LHX1: variants seen among roughly 807,000 people sequenced by gnomAD.
LHX1 encodes the protein LIM/homeobox protein Lhx1.
Under a neutral mutation model 34.1 loss-of-function variants are expected in LHX1, and 9 were observed. The observed-to-expected ratio is 0.26, with a 90% CI of 0.16 to 0.46. The LOEUF (loss-of-function observed/expected upper bound fraction) is 0.46. LHX1 is among the 20% of genes least tolerant of loss of function. LHX1 has a pLI of 1.00. For synonymous variants in LHX1, 254 were observed against 241.5 expected, an observed-to-expected ratio of 1.05 and a Z score of -0.48; for missense variants, 446 against 559.1, an observed-to-expected ratio of 0.80 and a Z score of 2.04.
chr17:36,940,666 G>C lies in LHX1; in HGVS notation c.454G>C (p.Asp152His), dbSNP rs765443227. The part of the protein sequence containing the change: ...SPDSQDPSQD[D>H]AKDSESANVS... ...GGATTCCCAAGACCCGTCGCAGGAC[G>C]ACGCCAAGGACTCGGAGAGCGCCAA... Residue 152 changes from aspartate (D) to histidine (H), a missense_variant, in exon 3 of 5, where the codon GAC (aspartate) becomes CAC (histidine). Physicochemically the swap from Asp to His is moderately conservative, Grantham distance 81. Transcript: ENST00000614239. 4 of 1,613,868 alleles carry C rather than the reference G, an allele frequency of 2.5e-6. No individual in the cohort carries two copies. The highest frequency in any genetic ancestry group is 3.4e-6 in the Non-Finnish European group (4 of 1,180,038).
Position 36,938,116 on chromosome 17 carries a change from G to T in LHX1, c.-82G>T. 2 of 1,384,950 alleles carry T rather than the reference G, an allele frequency of 1.4e-6. No individual in the cohort carries two copies. The highest frequency in any genetic ancestry group is 1.0e-6 in the Non-Finnish European group (1 of 976,668). The allele number at this position is 1,384,950 out of a possible 1,614,324, so 85.8% of individuals were successfully genotyped here. On this transcript the variant is annotated 5_prime_UTR_variant, in exon 1 of 5. Coordinates refer to ENST00000614239, the MANE Select transcript of LHX1 (RefSeq NM_005568.5). ...TTTTTGGAGAGACTGGGGAGCTCGT[G>T]CCGATTGTCTTCAGGAGTCATCCCC...
Position 36,943,997 on chromosome 17 carries a change from G to A in LHX1, c.*866G>A, listed in dbSNP as rs1252471432. On this transcript the variant is annotated 3_prime_UTR_variant, in exon 5 of 5. Transcript: ENST00000614239. The stretch of plus-strand genomic sequence containing the variant: ...CTGTTTACGTATAATGTTAAATTCA[G>A]GAGTTCAGTGTTTTACTAATATATC... The A allele has an allele frequency of 6.6e-6, 1 of 151,196 alleles. No homozygotes were observed. The highest frequency in any genetic ancestry group is 1.5e-5 in the Non-Finnish European group (1 of 67,932). The allele number at this position is 151,196 out of a possible 1,614,324, so 9.4% of individuals were successfully genotyped here. A position where few individuals can be genotyped will look rare whatever the true frequency, so the allele number is the denominator to read the frequency against.
Position 36,943,337 on chromosome 17 carries a change from A to C in LHX1, c.*206A>C, listed in dbSNP as rs1038045590. ...CTCGAGGTGGGACTGGGATCCGCGC[A>C]CTGGCTGTCGACGTGCAGAACTGGG... On this transcript the variant is annotated 3_prime_UTR_variant, in exon 5 of 5. Coordinates refer to ENST00000614239, the MANE Select transcript of LHX1 (RefSeq NM_005568.5). The C allele has an allele frequency of 4.9e-5, 29 of 591,298 alleles. No individual in the cohort carries two copies. Among genetic ancestry groups the C allele is most frequent in the Non-Finnish European group, 8.3e-5 (29 of 351,306 alleles). 36.6% of individuals were successfully genotyped at this position (591,298 alleles called of 1,614,324 possible). A position where few individuals can be genotyped will look rare whatever the true frequency, so the allele number is the denominator to read the frequency against.
chr17:36,943,197 G>GAAA lies in LHX1; in HGVS notation c.*75_*77dup, dbSNP rs35033250. ...AATGAACCTTTATTTAAGAAAAATA[G>GAAA]AAAAAAAAAAACATAAAAAGCAAGT... On this transcript the variant is annotated 3_prime_UTR_variant, in exon 5 of 5. Transcript: ENST00000614239. The GAAA allele has an allele frequency of 0.14, 166,472 of 1,154,114 alleles. 119 individuals are homozygous for GAAA. Among genetic ancestry groups the GAAA allele is most frequent in the Non-Finnish European group, 0.16 (135,998 of 848,818 alleles). The allele number at this position is 1,154,114 out of a possible 1,614,324, so 71.5% of individuals were successfully genotyped here. A position where few individuals can be genotyped will look rare whatever the true frequency, so the allele number is the denominator to read the frequency against.
rs1172250126 is a variant in LHX1 at position 36,937,744 on chromosome 17, C to A, written c.-454C>A. ...TGCACTTTGACTTCTGACAGCTCTA[C>A]CTCAAGCCCCGGAGAACTCAGCGGC... is the stretch of plus-strand genomic sequence containing the variant. On this transcript the variant is annotated 5_prime_UTR_variant, in exon 1 of 5. Transcript: ENST00000614239. The A allele has an allele frequency of 2.2e-6, 1 of 463,290 alleles. No individual in the cohort carries two copies. The highest frequency in any genetic ancestry group is 6.8e-5 in the East Asian group (1 of 14,746). The allele number at this position is 463,290 out of a possible 1,614,324, so 28.7% of individuals were successfully genotyped here. A position where few individuals can be genotyped will look rare whatever the true frequency, so the allele number is the denominator to read the frequency against.
intron 1 of LHX1, among the ~76,000 whole-genome samples, chr17:36,939,437 C>T (rs1458524220): frequency 2.0e-5 from 3 of 152,244 alleles, no homozygotes; most frequent in Non-Finnish European, 2.9e-5. Context: ...CCCAGTGCCG[C>T]TCCAGGACTC....
chr17:36,942,700 G>A, intron 4 of LHX1, 52 bp from the exon 5 acceptor site: 1 of 1,437,896 alleles, frequency 7.0e-7, no homozygotes, highest in Non-Finnish European at 9.1e-7. Context: ...TTTCGGTCCC[G>A]CCGGCCCCCG....
rs373971760 is a variant in LHX1 at position 36,940,900 on chromosome 17, C to G, written c.675+13C>G. ...GCGCGTCATTCAGGTCAGGCCCCGG[C>G]GCGCCTCTCCATCCCACAGAGGCCC... On this transcript the variant is annotated intron_variant, in intron 3 of 4. Coordinates refer to ENST00000614239, the MANE Select transcript of LHX1 (RefSeq NM_005568.5). 1 of 1,570,420 alleles carries G rather than the reference C, an allele frequency of 6.4e-7. No individual in the cohort carries two copies. The highest frequency in any genetic ancestry group is 1.1e-5 in the South Asian group (1 of 87,212).
At position 36,940,740 on chromosome 17, in the gene LHX1, G is replaced by A; in HGVS notation, c.528G>A (p.Leu176=). The part of the protein sequence containing the change: ...AGSNENDDQN[L]GAKRRGPRTT... Reference sequence around the variant, plus strand: ...GCAACGAGAATGACGACCAGAACCTGGGCGCCAAGCGGCGGGGACCGCGCA... The same window carrying A: ...GCAACGAGAATGACGACCAGAACCTAGGCGCCAAGCGGCGGGGACCGCGCA... The change falls in exon 3 of 5, where the codon CTG becomes CTA. Residue 176 remains leucine, a synonymous_variant. Transcript: ENST00000614239. 4 of 1,613,752 alleles carry A rather than the reference G, an allele frequency of 2.5e-6. No homozygotes were observed. The highest frequency in any genetic ancestry group is 3.4e-6 in the Non-Finnish European group (4 of 1,180,052).
chr17:36,940,205 C>T, intron 1 of LHX1, 85 bp from the exon 2 acceptor site: 1 of 779,982 alleles, frequency 1.3e-6, no homozygotes. Context: ...CCCTCTTTCT[C>T]GCTGTCATCT....
chr17:36,943,943 A>T lies in LHX1; in HGVS notation c.*812A>T, dbSNP rs867822588. The T allele has an allele frequency of 6.6e-6, 1 of 151,898 alleles. No individual in the cohort carries two copies. Among genetic ancestry groups the T allele is most frequent in the African/African-American group, 2.4e-5 (1 of 41,374 alleles). The allele number at this position is 151,898 out of a possible 1,614,324, so 9.4% of individuals were successfully genotyped here. A position where few individuals can be genotyped will look rare whatever the true frequency, so the allele number is the denominator to read the frequency against. ...CACACACAAAAAGTTAAAAAAAAAA[A>T]AAAAGACTATTGAACTAAAAACAGT... On this transcript the variant is annotated 3_prime_UTR_variant, in exon 5 of 5. Coordinates refer to ENST00000614239, the MANE Select transcript of LHX1 (RefSeq NM_005568.5).
intron 1 of LHX1, among the ~76,000 whole-genome samples, chr17:36,939,551 G>A (rs891782953): frequency 6.6e-6 from 1 of 152,202 alleles, no homozygotes; most frequent in East Asian, 1.9e-4. Context: ...CGGGCTGCCC[G>A]GTTTTCCTCA....
At chr17:36,937,061 G>C (rs2070729965), upstream of LHX1, 1 of 290,538 alleles carries the variant, frequency 3.4e-6, no homozygotes, top group African/African-American at 2.4e-5. Context: ...AAAAAGGAAG[G>C]AGGCTAGAAA....
chr17:36,942,626 CCCCGCGAT>C, intron 4 of LHX1, 118 bp from the exon 5 acceptor site: 2 of 1,147,198 alleles, frequency 1.7e-6, no homozygotes, highest in Non-Finnish European at 2.4e-6. Context: ...CGCGAGGGCT[CCCCGCGAT>C]CCGCGAGTTC....
intron 1 of LHX1, 27 bp from the exon 2 acceptor site, chr17:36,940,263 C>T: frequency 7.6e-6 from 3 of 397,110 alleles, no homozygotes; most frequent in Admixed American, 8.3e-5. Context: ...ATCCCCGCCC[C>T]CGCCCCCCAC....
At chr17:36,942,150 G>A in intron 3 of LHX1, 50 bp from the exon 4 acceptor site, 3 of 1,546,432 alleles carry the variant, frequency 1.9e-6, no homozygotes, top group Non-Finnish European at 2.6e-6. Context: ...GAGCACCCCG[G>A]GGTCGGGGGT....
At chr17:36,940,945 C>G (rs1305985482) in intron 3 of LHX1, 58 bp downstream of exon 3, 1 of 1,538,588 alleles carries the variant, frequency 6.5e-7, no homozygotes, top group Non-Finnish European at 8.7e-7. Context: ...CTTTGGGCAC[C>G]CAGGCCGAGC....
rs2070789513 is a variant in LHX1, at chr17:36,944,399, A to G, written c.*1268A>G. ...ACAGGTTTTATTTTTGTGTCTTTAAAATAAAAGTCCAAAATATTTAAATTT... is the reference window on the plus strand; with the variant it reads ...ACAGGTTTTATTTTTGTGTCTTTAAGATAAAAGTCCAAAATATTTAAATTT... On this transcript the variant is annotated 3_prime_UTR_variant, in exon 5 of 5. Transcript: ENST00000614239. The G allele has an allele frequency of 6.6e-6, 1 of 152,226 alleles. No homozygotes were observed. Among genetic ancestry groups the G allele is most frequent in the Non-Finnish European group, 1.5e-5 (1 of 68,040 alleles). 9.4% of individuals were successfully genotyped at this position (152,226 alleles called of 1,614,324 possible).
rs1322542689 is a variant in LHX1, at chr17:36,940,794, G to T, written c.582G>T (p.Thr194=). 5.0e-6 allele frequency: 8 copies of T among 1,612,166 alleles called. No individual in the cohort carries two copies. The highest frequency in any genetic ancestry group is 3.3e-5 in the Admixed American group (2 of 59,946). ...CCATCAAAGCCAAGCAGCTGGAGAC[G>T]CTGAAGGCCGCCTTCGCTGCTACAC... ...RTTIKAKQLE[T]LKAAFAATPK... is the part of the protein sequence containing the mutation. The change falls in exon 3 of 5, where the codon ACG becomes ACT. Residue 194 remains threonine, a synonymous_variant. Transcript: ENST00000614239.
Sources: gnomAD v4.1 joint callset for allele counts (sites outside exome capture counted in the v4.1 genomes callset) on GRCh38, gnomAD v4.1.1 for gene constraint, MANE v1.5 for transcripts, NCBI Gene and HGNC (gene_info 2026-07-23, HGNC 2026-07-21) for gene names.